Variants in LAMA1 observed in about 807,000 individuals in gnomAD.
The protein encoded by LAMA1 is laminin subunit alpha-1.
LAMA1 carries 219 observed loss-of-function variants against 348.7 expected under a neutral mutation model. That is an observed-to-expected ratio of 0.63 (90% CI 0.56 to 0.70). The LOEUF is 0.70. LAMA1 is among the 30% of genes least tolerant of loss of function. LAMA1 has a pLI of 0.00. For missense variants in LAMA1, 3,744 were observed against 3,888.0 expected, an observed-to-expected ratio of 0.96 and a Z score of 0.99; for synonymous variants, 1,487 against 1,491.0, an observed-to-expected ratio of 1.00 and a Z score of 0.06.
At chr18:7,003,296 G>A (rs1385142525) in intron 29 of LAMA1, among the ~76,000 whole-genome samples, 1 of 151,072 alleles carries the variant, frequency 6.6e-6, no homozygotes, top group Admixed American at 6.6e-5. Flanking sequence ...TGTCACCCAG[G>A]CCAGAGTGCA....
chr18:7,013,788 T>G, intron 23 of LAMA1, 27 bp downstream of exon 23: 3 of 1,604,462 alleles, frequency 1.9e-6, no homozygotes, highest in Non-Finnish European at 2.6e-6. Context: ...AGAGACAGGA[T>G]GAAAGAGGAG....
chr18:6,948,367 T>A (rs144183948), intron 60 of LAMA1, 36 bp downstream of exon 60: 1 of 1,613,872 alleles, frequency 6.2e-7, no homozygotes, highest in African/African-American at 1.3e-5. Flanking sequence ...ACAGACTCAT[T>A]CGGGGACTGC....
At chr18:7,106,998 T>C (rs2058314519) in intron 1 of LAMA1, among the ~76,000 whole-genome samples, 1 of 151,974 alleles carries the variant, frequency 6.6e-6, no homozygotes, top group South Asian at 2.1e-4. Flanking sequence ...CCTCGACCCA[T>C]GACCTGGACT....
intron 1 of LAMA1, among the ~76,000 whole-genome samples, chr18:7,110,836 G>T (rs1261577630): frequency 1.3e-5 from 2 of 151,496 alleles, no homozygotes; most frequent in African/African-American, 4.9e-5. Flanking sequence ...AAAAAACAAA[G>T]AAAAAAGTAT....
Position 7,016,485 on chromosome 18 carries a change from G to A in LAMA1, c.2989+6C>T. 1 of 1,614,152 alleles carries A rather than the reference G, an allele frequency of 6.2e-7. No homozygotes were observed. The highest frequency in any genetic ancestry group is 1.6e-4 in the Middle Eastern group (1 of 6,062). ...CAAAGTCTCAAACAAGGAAATCAAG[G>A]CTTACGTGTACAGCTACCATCCTGG... On this transcript the variant is annotated splice_donor_region_variant and intron_variant, in intron 21 of 62. Coordinates refer to ENST00000389658, the MANE Select transcript of LAMA1 (RefSeq NM_005559.4).
chr18:7,078,433 C>G (rs894470653), intron 3 of LAMA1, among the ~76,000 whole-genome samples: 1 of 151,646 alleles, frequency 6.6e-6, no homozygotes, highest in African/African-American at 2.4e-5. Context: ...CCCAAAGTGC[C>G]GGGATTACAG....
intron 44 of LAMA1, among the ~76,000 whole-genome samples, chr18:6,976,383 C>T (rs555577052): frequency 4.4e-4 from 67 of 152,074 alleles, no homozygotes; most frequent in African/African-American, 1.3e-3. Flanking sequence ...GGAATCTTTC[C>T]GCCTGACACA....
intron 9 of LAMA1, 40 bp downstream of exon 9, chr18:7,042,105 C>G (rs9957859): frequency 1.4e-6 from 2 of 1,386,442 alleles, no homozygotes; most frequent in African/African-American, 1.4e-5. Flanking sequence ...CACACACACA[C>G]AAAATCAATT....
At chr18:7,095,922 G>A (rs933894864) in intron 1 of LAMA1, among the ~76,000 whole-genome samples, 22 of 152,290 alleles carry the variant, frequency 1.4e-4, no homozygotes, top group South Asian at 2.1e-4. Context: ...CAAAAAATTC[G>A]CCAGGCGTGG....
In LAMA1 at chr18:7,038,911, C is replaced by T. The variant is rs529011497; in HGVS notation, c.1462G>A (p.Gly488Arg). 3.7e-6 allele frequency: 6 copies of T among 1,614,032 alleles called. No homozygotes were observed. The South Asian group carries it at 6.6e-5, about 18-fold the overall frequency. ...TTTTTTTCCTTCAAGTTATAGAATCCTGGCTTGCAGCGATCACAGGCCTTC... is the reference window on the plus strand; with the variant it reads ...TTTTTTTCCTTCAAGTTATAGAATCTTGGCTTGCAGCGATCACAGGCCTTC... ...EGKACDRCKP[G>R]FYNLKEKNPR... Residue 488 changes from glycine (G) to arginine (R), a missense_variant, in exon 11 of 63, where the codon GGA becomes AGA. Gly to Arg is a moderately radical substitution (Grantham distance 125, BLOSUM62 -2). Coordinates refer to ENST00000389658, the MANE Select transcript of LAMA1 (RefSeq NM_005559.4).
At chr18:7,088,233 T>C (rs981635429) in intron 1 of LAMA1, among the ~76,000 whole-genome samples, 5 of 152,152 alleles carry the variant, frequency 3.3e-5, no homozygotes, top group African/African-American at 1.2e-4. Flanking sequence ...CTTCCTCCCT[T>C]CGTCTCCTCC....
chr18:7,025,582 T>C (rs2057938814), intron 17 of LAMA1, among the ~76,000 whole-genome samples: 1 of 152,230 alleles, frequency 6.6e-6, no homozygotes, highest in Admixed American at 6.5e-5. Flanking sequence ...TAGACTGCTC[T>C]TGTTTAGCCT....
chr18:7,085,615 TCAC>T (rs1598312203), intron 1 of LAMA1, among the ~76,000 whole-genome samples: 2 of 151,972 alleles, frequency 1.3e-5, no homozygotes, highest in Non-Finnish European at 2.9e-5. Context: ...AGATGGGGTT[TCAC>T]CACGTTAGCC....
intron 51 of LAMA1, among the ~76,000 whole-genome samples, chr18:6,963,609 C>T (rs1018381392): frequency 2.6e-5 from 4 of 152,128 alleles, no homozygotes; most frequent in African/African-American, 4.8e-5. Context: ...TAAGAGGAGT[C>T]TATGAAAGAA....
intron 1 of LAMA1, 50 bp from the exon 2 acceptor site, chr18:7,080,507 A>G: frequency 6.3e-7 from 1 of 1,590,932 alleles, no homozygotes. Flanking sequence ...AATCCAAAGA[A>G]TGAGCTTACC....
rs1462745621 is a variant in LAMA1, at chr18:6,945,174, T to C, written c.8845-1772A>G. Among the ~76,000 whole-genome samples the C allele has an allele frequency of 2.0e-5, 3 of 152,154 alleles. No individual in the cohort carries two copies. The South Asian group carries it at 6.2e-4, about 32-fold the overall frequency. On this transcript the variant is annotated intron_variant, in intron 61 of 62. Coordinates refer to ENST00000389658, the MANE Select transcript of LAMA1 (RefSeq NM_005559.4). ...CCTCCCAAGGTTTTGGGATTACAGG[T>C]GTTAGCCACCATATCTGGCCCTGGT... is the stretch of plus-strand genomic sequence containing the variant.
intron 23 of LAMA1, 77 bp downstream of exon 23, chr18:7,013,738 T>G: frequency 2.1e-6 from 3 of 1,419,132 alleles, no homozygotes; most frequent in Non-Finnish European, 3.0e-6. Context: ...CCTGGCTGCT[T>G]AGGTAAGTAG....
At chr18:7,029,789 C>T (rs1467582686) in intron 16 of LAMA1, among the ~76,000 whole-genome samples, 3 of 152,140 alleles carry the variant, frequency 2.0e-5, no homozygotes, top group African/African-American at 7.2e-5. Flanking sequence ...ACACAGACTT[C>T]TCCTTTGAAT....
At chr18:6,974,262 G>A (rs1307470921) in intron 46 of LAMA1, among the ~76,000 whole-genome samples, 2 of 151,772 alleles carry the variant, frequency 1.3e-5, no homozygotes, top group African/African-American at 4.8e-5. Context: ...ATTATATATT[G>A]TCAAATTATA....
Sources: allele counts gnomAD v4.1 joint callset (sites outside exome capture counted in the v4.1 genomes callset), GRCh38; gene constraint gnomAD v4.1.1; transcripts MANE v1.5; gene names NCBI Gene and HGNC (gene_info 2026-07-23, HGNC 2026-07-21).